The following USP14 variants were observed in gnomAD, a reference collection of about 807,000 sequenced individuals.
USP14 encodes the protein ubiquitin carboxyl-terminal hydrolase 14.
USP14 carries 38 observed loss-of-function variants against 76.5 expected under a neutral mutation model. The observed-to-expected ratio is 0.50, with a 90% confidence interval of 0.38 to 0.65. The LOEUF (loss-of-function observed/expected upper bound fraction) is 0.65. Among genes scored for constraint, USP14 ranks in the 30% least tolerant of loss-of-function variants. The probability of loss-of-function intolerance (pLI) is 0.00; values close to 1 mark genes in which losing one functional copy is unlikely to be tolerated. For missense variants in USP14, 467 were observed against 586.5 expected (o/e 0.80, Z 2.10); for synonymous variants, 192 against 191.7 (o/e 1.00, Z -0.01).
intron 3 of USP14, among the ~76,000 whole-genome samples, chr18:169,945 C>T (rs1909395764): frequency 6.6e-6 from 1 of 152,108 alleles, no homozygotes; most frequent in African/African-American, 2.4e-5. Context: ...CCGCAGTTCC[C>T]TCCTCCCTCT....
At chr18:169,743 C>T (rs1369133758) in intron 3 of USP14, among the ~76,000 whole-genome samples, 1 of 152,124 alleles carries the variant, frequency 6.6e-6, no homozygotes, top group East Asian at 1.9e-4. Context: ...ATTTTTCCAG[C>T]AGCCTATGTT....
chr18:179,169 T>C, intron 4 of USP14, 132 bp downstream of exon 4: 1 of 599,026 alleles, frequency 1.7e-6, no homozygotes, highest in Non-Finnish European at 2.8e-6. Context: ...TTTTTAGCAG[T>C]AAATAAGAGT....
intron 13 of USP14, among the ~76,000 whole-genome samples, chr18:206,688 T>G (rs1208731902): frequency 6.6e-6 from 1 of 152,166 alleles, no homozygotes; most frequent in African/African-American, 2.4e-5. Flanking sequence ...TCACTTGAGG[T>G]CAGGGGTTCG....
At chr18:179,573 G>GTT (rs796968105) in intron 4 of USP14, among the ~76,000 whole-genome samples, 2 of 125,274 alleles carry the variant, frequency 1.6e-5, no homozygotes, top group Non-Finnish European at 3.4e-5. Flanking sequence ...CATTTTCATG[G>GTT]TTTTTTTTTT....
In USP14 at chr18:185,013, A is replaced by T. The variant is rs138744404; in HGVS notation, c.404+4674A>T. Among the ~76,000 whole-genome samples the T allele has an allele frequency of 4.5e-3, 683 of 152,284 alleles. 6 individuals carry two copies. The highest frequency in any genetic ancestry group is 0.043 in the East Asian group (221 of 5,160). Reference sequence around the variant, plus strand: ...GAAAACTATATGTTATAAAAAAATCATCCTAAAATTCTATAAATTACTCCT... The same window carrying T: ...GAAAACTATATGTTATAAAAAAATCTTCCTAAAATTCTATAAATTACTCCT... On this transcript the variant is annotated intron_variant, in intron 5 of 15. Transcript: ENST00000261601.
At chr18:163,525 A>T (rs1221635898) in intron 2 of USP14, 72 bp downstream of exon 2, 17 of 1,513,578 alleles carry the variant, frequency 1.1e-5, no homozygotes, top group Non-Finnish European at 1.5e-5. Context: ...CCAGAAAATT[A>T]TTTAATTTTA....
In USP14 at chr18:158,595, C is replaced by T. The variant is rs1342768137; in HGVS notation, c.-104C>T. 7.9e-6 allele frequency: 10 copies of T among 1,257,922 alleles called. No individual in the cohort carries two copies. The highest frequency in any genetic ancestry group is 5.8e-5 in the East Asian group (2 of 34,778). 77.9% of individuals were successfully genotyped at this position (1,257,922 alleles called of 1,614,324 possible). A position where few individuals can be genotyped will look rare whatever the true frequency, so the allele number is the denominator to read the frequency against. On this transcript the variant is annotated 5_prime_UTR_variant, in exon 1 of 16. Coordinates refer to ENST00000261601, the MANE Select transcript of USP14 (RefSeq NM_005151.4). ...CGCACCGAAGCCGCCGCCACCACCG[C>T]GCCTCCGCCTCGGCCGCCGCCGCAG... is the stretch of plus-strand genomic sequence containing the variant.
At chr18:210,224 A>T in intron 14 of USP14, 162 bp from the exon 15 acceptor site, 1 of 689,786 alleles carries the variant, frequency 1.4e-6, no homozygotes, top group Non-Finnish European at 2.4e-6. Context: ...TTACTTATTA[A>T]AACATCAATC....
chr18:203,089 T>C lies in USP14; in HGVS notation c.943-9T>C. Reference sequence around the variant, plus strand: ...TGTAATGGGATTTCTTTACATTTTGTCTCCTCAGTCCAAGATCAGCCGGCT... The same window carrying C: ...TGTAATGGGATTTCTTTACATTTTGCCTCCTCAGTCCAAGATCAGCCGGCT... On this transcript the variant is annotated splice_polypyrimidine_tract_variant and intron_variant, in intron 11 of 15. Coordinates refer to ENST00000261601, the MANE Select transcript of USP14 (RefSeq NM_005151.4). The C allele has an allele frequency of 5.6e-6, 9 of 1,612,452 alleles. No homozygotes were observed. The highest frequency in any genetic ancestry group is 5.1e-6 in the Non-Finnish European group (6 of 1,179,556).
At chr18:180,700 C>T (rs1485527668) in intron 5 of USP14, among the ~76,000 whole-genome samples, 1 of 152,188 alleles carries the variant, frequency 6.6e-6, no homozygotes, top group Non-Finnish European at 1.5e-5. Flanking sequence ...TTGCGGCTAA[C>T]TTCTTTCATT....
At chr18:197,913 G>C in intron 8 of USP14, 134 bp from the exon 9 acceptor site, 1 of 801,082 alleles carries the variant, frequency 1.2e-6, no homozygotes, top group Non-Finnish European at 1.9e-6. Context: ...TTGATTTTTG[G>C]TAATGTTTTT....
At chr18:173,323 G>A (rs1203565902) in intron 3 of USP14, among the ~76,000 whole-genome samples, 3 of 151,700 alleles carry the variant, frequency 2.0e-5, no homozygotes, top group East Asian at 3.9e-4. Context: ...ATGTTAGCCA[G>A]GATGGTCTCT....
chr18:170,585 C>CAG (rs1384133927), intron 3 of USP14, among the ~76,000 whole-genome samples: 1 of 152,140 alleles, frequency 6.6e-6, no homozygotes, highest in African/African-American at 2.4e-5. Context: ...TAAAGCAAAG[C>CAG]AGCCTTATTG....
intron 8 of USP14, 125 bp from the exon 9 acceptor site, chr18:197,922 T>C: frequency 1.2e-6 from 1 of 845,132 alleles, no homozygotes; most frequent in East Asian, 2.7e-5. Context: ...GGTAATGTTT[T>C]TTGAAGGATT....
chr18:164,959 T>A (rs797013308), intron 2 of USP14, among the ~76,000 whole-genome samples: 64 of 152,184 alleles, frequency 4.2e-4, no homozygotes, highest in African/African-American at 1.1e-3. Flanking sequence ...TATTATTATT[T>A]TTTTTGGGAT....
chr18:179,200 T>A (rs1909712277), intron 4 of USP14, among the ~76,000 whole-genome samples, 163 bp downstream of exon 4: 2 of 152,198 alleles, frequency 1.3e-5, no homozygotes, highest in Non-Finnish European at 2.9e-5. Context: ...TTGATTAGCT[T>A]AAGGGAGTCC....
At chr18:197,196 A>G (rs1000865995) in intron 7 of USP14, among the ~76,000 whole-genome samples, 1 of 152,188 alleles carries the variant, frequency 6.6e-6, no homozygotes, top group Non-Finnish European at 1.5e-5. Flanking sequence ...TGGCTGTCAG[A>G]TAAGTGCAAG....
chr18:201,482 G>A lies in USP14; in HGVS notation c.877-1398G>A, dbSNP rs192623376. Among the ~76,000 whole-genome samples the A allele has an allele frequency of 4.8e-3, 725 of 152,338 alleles. 3 individuals are homozygous for A. Among genetic ancestry groups the A allele is most frequent in the Non-Finnish European group, 8.1e-3 (549 of 68,022 alleles). ...GTTGGCAAGGGGAAGGGTTGTTAAA[G>A]GGCATAAGAAGAAGAGTGAGTGAGT... On this transcript the variant is annotated intron_variant, in intron 10 of 15. Transcript: ENST00000261601.
rs372129870 is a variant in USP14 at position 197,607 on chromosome 18, A to G, written c.595-9A>G. On this transcript the variant is annotated splice_polypyrimidine_tract_variant and intron_variant, in intron 7 of 15. Coordinates refer to ENST00000261601, the MANE Select transcript of USP14 (RefSeq NM_005151.4). Reference sequence around the variant, plus strand: ...AGGATTACTTACTTTGTCTTTTTTTACATTACAGGATGCTAATGAATGTTG... The same window carrying G: ...AGGATTACTTACTTTGTCTTTTTTTGCATTACAGGATGCTAATGAATGTTG... 8.7e-6 allele frequency: 14 copies of G among 1,603,974 alleles called. No individual in the cohort carries two copies. The African/African-American group carries it at 1.5e-4, about 17-fold the overall frequency.
Sources: gnomAD v4.1 joint callset for allele counts (sites outside exome capture counted in the v4.1 genomes callset) on GRCh38, gnomAD v4.1.1 for gene constraint, MANE v1.5 for transcripts, NCBI Gene and HGNC (gene_info 2026-07-23, HGNC 2026-07-21) for gene names.